The following HDAC4 variants were observed in gnomAD, a reference collection of about 807,000 sequenced individuals.
HDAC4 encodes the protein histone deacetylase 4.
Under a neutral mutation model 135.1 loss-of-function variants are expected in HDAC4, and 16 were observed. That is an observed-to-expected ratio of 0.12 (90% CI 0.08 to 0.18). HDAC4 has a LOEUF of 0.18. Among genes scored for constraint, HDAC4 ranks in the 10% least tolerant of loss-of-function variants. The pLI, the probability that HDAC4 is intolerant of heterozygous loss-of-function variation, is 1.00. For synonymous variants in HDAC4, 685 were observed against 653.4 expected (o/e 1.05, Z -0.74); for missense variants, 1,143 against 1,511.8 (o/e 0.76, Z 4.05).
chr2:239,138,238 T>A (rs371470707), intron 9 of HDAC4, among the ~76,000 whole-genome samples: 1 of 152,134 alleles, frequency 6.6e-6, no homozygotes, highest in Non-Finnish European at 1.5e-5. Flanking sequence ...AAGAAATCGA[T>A]GTATGAAGTA....
At chr2:239,156,510 C>G (rs991829066) in intron 7 of HDAC4, 142 bp downstream of exon 7, 1 of 1,006,708 alleles carries the variant, frequency 9.9e-7, no homozygotes, top group Non-Finnish European at 1.5e-6. Flanking sequence ...AAAAACGATG[C>G]TCTATGAAAG....
chr2:239,314,128 G>A (rs149280041), intron 2 of HDAC4, among the ~76,000 whole-genome samples: 201 of 152,264 alleles, frequency 1.3e-3, no homozygotes, highest in African/African-American at 4.6e-3. Flanking sequence ...CCTAGCACCT[G>A]CAAACACAGG....
chr2:239,082,078 G>T, intron 21 of HDAC4, 24 bp downstream of exon 21: 1 of 1,587,828 alleles, frequency 6.3e-7, no homozygotes, highest in Non-Finnish European at 8.6e-7. Flanking sequence ...TTTCCCCCCA[G>T]AGGCCCTTAT....
intron 2 of HDAC4, among the ~76,000 whole-genome samples, chr2:239,319,225 T>C (rs746205576): frequency 6.6e-6 from 1 of 152,164 alleles, no homozygotes; most frequent in Non-Finnish European, 1.5e-5. Flanking sequence ...TATCCACATA[T>C]AGGAAACTTT....
intron 3 of HDAC4, chr2:239,191,011 G>T: frequency 2.2e-6 from 1 of 464,216 alleles, no homozygotes. Flanking sequence ...CACAGCCCAG[G>T]GACATCCCAG....
At chr2:239,054,931 A>C (rs935910316) in intron 24 of HDAC4, 98 bp from the exon 25 acceptor site, 4 of 873,238 alleles carry the variant, frequency 4.6e-6, no homozygotes, top group Non-Finnish European at 5.9e-6. Flanking sequence ...GAGCACAGAG[A>C]CCCTTGTGGG....
chr2:239,370,308 G>A (rs1258227054), intron 1 of HDAC4, among the ~76,000 whole-genome samples: 4 of 152,174 alleles, frequency 2.6e-5, no homozygotes, highest in African/African-American at 4.8e-5. Context: ...CAACTCCCTC[G>A]ATCCCACTGA....
At chr2:239,230,585 C>A (rs544137953) in intron 3 of HDAC4, among the ~76,000 whole-genome samples, 1 of 152,274 alleles carries the variant, frequency 6.6e-6, no homozygotes, top group South Asian at 2.1e-4. Context: ...TTCTTCCTGC[C>A]ACTCCTGCCC....
At chr2:239,199,736 CTTT>C (rs35353470) in intron 3 of HDAC4, among the ~76,000 whole-genome samples, 22 of 139,066 alleles carry the variant, frequency 1.6e-4, no homozygotes, top group Non-Finnish European at 1.7e-4. Flanking sequence ...CTGTACATTT[CTTT>C]TTTTTTTTTT....
In HDAC4 at chr2:239,146,155, G is replaced by T. The variant is rs1052309646; in HGVS notation, c.734-1441C>A. Among the ~76,000 whole-genome samples the T allele has an allele frequency of 5.9e-5, 9 of 152,174 alleles. No homozygotes were observed. Among genetic ancestry groups the T allele is most frequent in the African/African-American group, 1.7e-4 (7 of 41,434 alleles). ...GCACACTTCTGTGCCTAACACAACC[G>T]ACCGAGGCAAGCGTAGATTCACAAG... On this transcript the variant is annotated intron_variant, in intron 7 of 26. Transcript: ENST00000543185. This position sits in a 1 kb window ranked among gnomAD's most constrained non-coding sequence, Gnocchi z 4.5.
At chr2:239,087,281 C>G (rs1341773387) in intron 19 of HDAC4, among the ~76,000 whole-genome samples, 2 of 152,240 alleles carry the variant, frequency 1.3e-5, no homozygotes, top group Non-Finnish European at 2.9e-5. Context: ...GTGTTGACAA[C>G]TACTCAACAA....
At chr2:239,107,225 C>T (rs1157996077) in intron 15 of HDAC4, among the ~76,000 whole-genome samples, 1 of 152,222 alleles carries the variant, frequency 6.6e-6, no homozygotes, top group African/African-American at 2.4e-5. Context: ...AAGTGCGGCC[C>T]CCGTCCTGCC....
intron 1 of HDAC4, among the ~76,000 whole-genome samples, chr2:239,355,093 A>T (rs1575740948): frequency 1.3e-5 from 2 of 152,074 alleles, no homozygotes; most frequent in Non-Finnish European, 1.5e-5. Context: ...ATCTACTGGC[A>T]TTTTTTTCTT....
chr2:239,055,041 TATAAG>T, intron 24 of HDAC4: 3 of 494,264 alleles, frequency 6.1e-6, no homozygotes, highest in Non-Finnish European at 1.1e-5. Context: ...TTTAGGACGC[TATAAG>T]ATATTTGTGG....
At chr2:239,318,642 T>C (rs946248805) in intron 2 of HDAC4, among the ~76,000 whole-genome samples, 2 of 151,840 alleles carry the variant, frequency 1.3e-5, no homozygotes, top group South Asian at 2.1e-4. Context: ...GGATTATTAG[T>C]TGGGGGAAGG....
chr2:239,269,226 CACATACATTCACACATCT>C (rs1553589990), intron 2 of HDAC4, among the ~76,000 whole-genome samples: 10 of 149,922 alleles, frequency 6.7e-5, no homozygotes, highest in South Asian at 4.3e-4. Context: ...TTCACACACC[CACATACATTCACACATCT>C]ACACACATTC....
At chr2:239,332,586 A>G (rs1033654968) in intron 2 of HDAC4, among the ~76,000 whole-genome samples, 1 of 152,008 alleles carries the variant, frequency 6.6e-6, no homozygotes, top group African/African-American at 2.4e-5. Flanking sequence ...AGCCATACAT[A>G]GGTGGAAATT....
chr2:239,324,770 G>C (rs994776996), intron 2 of HDAC4, among the ~76,000 whole-genome samples: 5 of 152,258 alleles, frequency 3.3e-5, no homozygotes, highest in Admixed American at 6.5e-5. Flanking sequence ...CATAACAGAA[G>C]GGGGCGTGGG....
At chr2:239,128,113 A>C (rs1368208546) in intron 11 of HDAC4, among the ~76,000 whole-genome samples, 1 of 152,004 alleles carries the variant, frequency 6.6e-6, no homozygotes, top group Non-Finnish European at 1.5e-5. Context: ...TTTTCACCCA[A>C]CCCCACAACT....
Sources: allele counts gnomAD v4.1 joint callset (sites outside exome capture counted in the v4.1 genomes callset), GRCh38; gene constraint gnomAD v4.1.1; non-coding constraint Gnocchi (gnomAD v3.1); transcripts MANE v1.5; gene names NCBI Gene and HGNC (gene_info 2026-07-23, HGNC 2026-07-21).